The following DLG2 variants were observed in gnomAD, a reference collection of about 807,000 sequenced individuals.
DLG2 encodes the protein disks large homolog 2.
A neutral mutation model predicts 132.5 loss-of-function variants in DLG2; 45 were observed. That is an observed-to-expected ratio of 0.34 (90% CI 0.27 to 0.44). The LOEUF is 0.44. Ranked by LOEUF, DLG2 falls within the 20% of genes least tolerant of loss-of-function variation. DLG2 has a pLI of 1.00. For synonymous variants in DLG2, 424 were observed against 419.6 expected (o/e 1.01, Z -0.13); for missense variants, 1,045 against 1,196.9 (o/e 0.87, Z 1.87).
chr11:84,220,780 CTTTTTTTTT>C (rs5793114), intron 8 of DLG2, among the ~76,000 whole-genome samples: 3 of 77,542 alleles, frequency 3.9e-5, no homozygotes, highest in Admixed American at 1.9e-4. Context: ...TTTTTCTTTT[CTTTTTTTTT>C]TTTTTTTTTT....
intron 6 of DLG2, among the ~76,000 whole-genome samples, chr11:84,552,450 C>G (rs556082893): frequency 6.6e-6 from 1 of 152,256 alleles, no homozygotes; most frequent in African/African-American, 2.4e-5. Context: ...TGCCTTTTGC[C>G]ATGTCTTTAA....
chr11:83,610,664 A>T (rs146635157), intron 19 of DLG2, among the ~76,000 whole-genome samples: 1 of 152,090 alleles, frequency 6.6e-6, no homozygotes, highest in Non-Finnish European at 1.5e-5. Context: ...CCTCACAACT[A>T]TGCAATGAGG....
chr11:84,646,863 C>T (rs1002323607), intron 6 of DLG2, among the ~76,000 whole-genome samples: 3 of 152,100 alleles, frequency 2.0e-5, no homozygotes, highest in South Asian at 2.1e-4. Flanking sequence ...TGTTATCCAG[C>T]GGATGTCTAA....
At chr11:84,709,714 C>T (rs970591864) in intron 6 of DLG2, among the ~76,000 whole-genome samples, 5 of 151,958 alleles carry the variant, frequency 3.3e-5, no homozygotes, top group Admixed American at 3.3e-4. Flanking sequence ...ATCTCACATT[C>T]TCTCCCCCTC....
chr11:85,094,990 AT>A (rs1296105915), intron 6 of DLG2, among the ~76,000 whole-genome samples: 3 of 152,156 alleles, frequency 2.0e-5, no homozygotes, highest in Admixed American at 2.0e-4. Context: ...ACCTGACCTA[AT>A]TTCAATATTG....
intron 3 of DLG2, among the ~76,000 whole-genome samples, chr11:85,306,636 T>A (rs540599772): frequency 6.6e-6 from 1 of 152,254 alleles, no homozygotes; most frequent in Admixed American, 6.5e-5. Flanking sequence ...AGTGGTACGA[T>A]CTTGGCTCAC....
chr11:84,616,079 C>G (rs1003112686), intron 6 of DLG2, among the ~76,000 whole-genome samples: 1 of 151,930 alleles, frequency 6.6e-6, no homozygotes, highest in Admixed American at 6.6e-5. Flanking sequence ...CAGGATTGAT[C>G]TATTTCAGAC....
At chr11:83,586,969 G>A (rs545123651) in intron 19 of DLG2, among the ~76,000 whole-genome samples, 3 of 152,204 alleles carry the variant, frequency 2.0e-5, no homozygotes, top group Non-Finnish European at 2.9e-5. Context: ...ACTAGTAAAT[G>A]AGGCTTTCAA....
intron 4 of DLG2, among the ~76,000 whole-genome samples, chr11:85,239,734 G>A (rs1231546927): frequency 1.3e-5 from 2 of 152,012 alleles, no homozygotes; most frequent in Non-Finnish European, 2.9e-5. Context: ...GTTTGTAGCT[G>A]TAGTTTCACC....
At chr11:85,466,887 T>A (rs970699564) in intron 3 of DLG2, among the ~76,000 whole-genome samples, 6 of 152,138 alleles carry the variant, frequency 3.9e-5, no homozygotes, top group East Asian at 1.9e-4. Context: ...TTGAATCTAT[T>A]AATTACCTTG....
intron 7 of DLG2, among the ~76,000 whole-genome samples, chr11:84,509,093 C>T (rs1591190862): frequency 6.6e-6 from 1 of 152,222 alleles, no homozygotes; most frequent in Non-Finnish European, 1.5e-5. Flanking sequence ...AACTTATAAG[C>T]TAGTGCTAAT....
At chr11:84,752,098 C>CTTT (rs2066195061) in intron 6 of DLG2, among the ~76,000 whole-genome samples, 1 of 152,184 alleles carries the variant, frequency 6.6e-6, no homozygotes, top group African/African-American at 2.4e-5. Flanking sequence ...AAAAGGCCAT[C>CTTT]TTATGTCGTG....
rs113343055 is a variant in DLG2 at position 84,975,073 on chromosome 11, A to C, written c.357+136588T>G. Among the ~76,000 whole-genome samples the C allele has an allele frequency of 4.8e-3, 727 of 152,254 alleles. 6 individuals are homozygous for C. The highest frequency in any genetic ancestry group is 0.017 in the African/African-American group (703 of 41,552). On this transcript the variant is annotated intron_variant, in intron 6 of 27. Coordinates refer to ENST00000376104, the MANE Select transcript of DLG2 (RefSeq NM_001142699.3). ...CAAGTCTCACATTCTACTTCTGGGC[A>C]CTTTCAACTTTACTTGATGTTAACA...
At chr11:85,083,700 G>T (rs1160054099) in intron 6 of DLG2, among the ~76,000 whole-genome samples, 1 of 152,076 alleles carries the variant, frequency 6.6e-6, no homozygotes. Flanking sequence ...CTAAAGACCT[G>T]GAATCAACAG....
chr11:83,849,954 G>A (rs1190810842), intron 16 of DLG2, among the ~76,000 whole-genome samples: 1 of 152,036 alleles, frequency 6.6e-6, no homozygotes, highest in Non-Finnish European at 1.5e-5. Context: ...TAATTGAAGG[G>A]CCTAGGGTTT....
intron 9 of DLG2, among the ~76,000 whole-genome samples, chr11:84,160,142 G>A (rs908907576): frequency 2.6e-5 from 4 of 152,108 alleles, no homozygotes; most frequent in Non-Finnish European, 5.9e-5. Context: ...GGAGTCATCA[G>A]TTGACAGTTG....
chr11:84,611,024 TACACACACACAC>T (rs10587472), intron 6 of DLG2, among the ~76,000 whole-genome samples: 24 of 138,198 alleles, frequency 1.7e-4, no homozygotes, highest in East Asian at 8.8e-4. Context: ...TTAGATGACA[TACACACACACAC>T]ACACACACAC....
In DLG2 at chr11:84,901,117, G is replaced by T. The variant is rs566337054; in HGVS notation, c.357+210544C>A. 1.0e-3 allele frequency among the ~76,000 whole-genome samples: 155 copies of T among 152,056 alleles called. 1 individual carries two copies. The highest frequency in any genetic ancestry group is 3.5e-3 in the African/African-American group (146 of 41,500). On this transcript the variant is annotated intron_variant, in intron 6 of 27. Coordinates refer to ENST00000376104, the MANE Select transcript of DLG2 (RefSeq NM_001142699.3). ...GACATTTAAAAATCCATTTAAAAGC[G>T]AAGACATACCCTCTGACACCATGTT... is the stretch of plus-strand genomic sequence containing the variant.
Position 84,615,818 on chromosome 11 carries a change from T to TAAAA in DLG2, c.358-81091_358-81088dup, listed in dbSNP as rs559199428. Among the ~76,000 whole-genome samples, 200 of 67,618 alleles carry TAAAA rather than the reference T, an allele frequency of 3.0e-3. 4 individuals are homozygous for TAAAA. Among genetic ancestry groups the TAAAA allele is most frequent in the African/African-American group, 0.012 (188 of 16,290 alleles). The allele number at this position is 67,618 out of a possible 152,430, so 44.4% of individuals were successfully genotyped here. On this transcript the variant is annotated intron_variant, in intron 6 of 27. Coordinates refer to ENST00000376104, the MANE Select transcript of DLG2 (RefSeq NM_001142699.3). Reference sequence around the variant, plus strand: ...AGAGAAAATTTCAGGACAAAAACGGTAAAAAAAAAAAAAAAAAAAAAACTT... The same window carrying TAAAA: ...AGAGAAAATTTCAGGACAAAAACGGTAAAAAAAAAAAAAAAAAAAAAAAAAACTT...
Sources: gnomAD v4.1 joint callset for allele counts (sites outside exome capture counted in the v4.1 genomes callset) on GRCh38, gnomAD v4.1.1 for gene constraint, MANE v1.5 for transcripts, NCBI Gene and HGNC (gene_info 2026-07-23, HGNC 2026-07-21) for gene names.